ADAM22: variants seen among roughly 807,000 people sequenced by gnomAD.
ADAM22 encodes ADAM metallopeptidase domain 22.
ADAM22 carries 65 observed loss-of-function variants against 144.6 expected under a neutral mutation model. The observed-to-expected ratio is 0.45, with a 90% CI of 0.37 to 0.55. The LOEUF is 0.55. Ranked by LOEUF, ADAM22 falls within the 20% of genes least tolerant of loss-of-function variation. ADAM22 has a pLI of 0.00. For missense variants in ADAM22, 974 were observed against 1,184.9 expected (o/e 0.82, Z 2.61); for synonymous variants, 391 against 412.6 (o/e 0.95, Z 0.63).
chr7:87,998,444 G>A (rs541024544), intron 3 of ADAM22, among the ~76,000 whole-genome samples: 29 of 152,210 alleles, frequency 1.9e-4, no homozygotes, highest in African/African-American at 6.7e-4. Context: ...AAGGTAGAGT[G>A]CAGTGGAACA....
chr7:88,151,372 T>C, intron 20 of ADAM22, 52 bp downstream of exon 20: 1 of 1,603,818 alleles, frequency 6.2e-7, no homozygotes, highest in Non-Finnish European at 8.5e-7. Context: ...TCAGGCGGAC[T>C]TCTCAAGGAC....
At chr7:88,156,715 C>T (rs1017708370) in intron 22 of ADAM22, among the ~76,000 whole-genome samples, 1 of 152,052 alleles carries the variant, frequency 6.6e-6, no homozygotes, top group Admixed American at 6.6e-5. Context: ...TTGCCACCCT[C>T]CCATGGAAGA....
chr7:88,184,764 A>G (rs1051992565), intron 29 of ADAM22, among the ~76,000 whole-genome samples: 1 of 152,126 alleles, frequency 6.6e-6, no homozygotes, highest in African/African-American at 2.4e-5. Context: ...AAGAACAAAA[A>G]ATTGGGAGTT....
intron 3 of ADAM22, among the ~76,000 whole-genome samples, chr7:87,996,491 A>G (rs929843003): frequency 6.6e-6 from 1 of 152,064 alleles, no homozygotes; most frequent in African/African-American, 2.4e-5. Context: ...TCATGACCTA[A>G]TCACCTCCCA....
At chr7:88,107,408 C>A (rs963283393) in intron 4 of ADAM22, among the ~76,000 whole-genome samples, 1 of 151,634 alleles carries the variant, frequency 6.6e-6, no homozygotes, top group Non-Finnish European at 1.5e-5. Flanking sequence ...ACCATATTGG[C>A]TGGGCTGGTT....
At chr7:88,104,028 C>T (rs1045549311) in intron 4 of ADAM22, among the ~76,000 whole-genome samples, 41 of 152,066 alleles carry the variant, frequency 2.7e-4, no homozygotes, top group Admixed American at 2.7e-3. Context: ...GTACTCTATC[C>T]TGCATATATA....
At chr7:88,192,332 GTTTTC>G (rs1051779480) in intron 30 of ADAM22, among the ~76,000 whole-genome samples, 2 of 152,162 alleles carry the variant, frequency 1.3e-5, no homozygotes, top group Admixed American at 6.5e-5. Flanking sequence ...TTACTCAGCT[GTTTTC>G]TTTTTTCACT....
rs1026122040 is a variant in ADAM22 at position 87,944,143 on chromosome 7, T to A, written c.246+8957T>A. ...GTCAATTTCTATTCTGCTTTATTTTTTTTTTTTCAATTTGCCTTTTAAGTA... is the reference window on the plus strand; with the variant it reads ...GTCAATTTCTATTCTGCTTTATTTTATTTTTTTCAATTTGCCTTTTAAGTA... On this transcript the variant is annotated intron_variant, in intron 2 of 31. Coordinates refer to ENST00000413139, the MANE Select transcript of ADAM22 (RefSeq NM_001324418.2). 9.8e-4 allele frequency among the ~76,000 whole-genome samples: 149 copies of A among 152,286 alleles called. 1 individual carries two copies. The highest frequency in any genetic ancestry group is 3.4e-3 in the African/African-American group (140 of 41,558).
At chr7:87,955,687 C>T (rs1291177332) in intron 2 of ADAM22, among the ~76,000 whole-genome samples, 4 of 152,224 alleles carry the variant, frequency 2.6e-5, no homozygotes, top group African/African-American at 7.2e-5. Context: ...TTTAAGTCTG[C>T]AGAGGTTACT....
chr7:88,082,943 A>T (rs908283249), intron 4 of ADAM22, among the ~76,000 whole-genome samples: 1 of 152,188 alleles, frequency 6.6e-6, no homozygotes, highest in Admixed American at 6.5e-5. Context: ...TTCCTCAGGG[A>T]TCTAGAACTA....
chr7:87,945,265 C>G (rs1054329340), intron 2 of ADAM22, among the ~76,000 whole-genome samples: 2 of 152,050 alleles, frequency 1.3e-5, no homozygotes, highest in African/African-American at 4.8e-5. Flanking sequence ...TGAAGAGTCC[C>G]TAAGTTAGAA....
At chr7:88,057,992 A>G (rs570439440) in intron 3 of ADAM22, among the ~76,000 whole-genome samples, 1 of 152,310 alleles carries the variant, frequency 6.6e-6, no homozygotes, top group East Asian at 1.9e-4. Context: ...TTTAAAAATG[A>G]CCCACATTTT....
At chr7:88,047,984 A>C in intron 3 of ADAM22, among the ~76,000 whole-genome samples, 1 of 152,146 alleles carries the variant, frequency 6.6e-6, no homozygotes, top group East Asian at 1.9e-4. Flanking sequence ...AAATAAAAGT[A>C]AAAATGGAAG....
intron 3 of ADAM22, among the ~76,000 whole-genome samples, chr7:88,020,308 A>G (rs1371041263): frequency 6.6e-6 from 1 of 152,098 alleles, no homozygotes; most frequent in Admixed American, 6.5e-5. Context: ...ATCTCTTTCC[A>G]TTGTAATTTG....
At chr7:88,145,010 T>C (rs760135542) in intron 15 of ADAM22, 115 bp from the exon 16 acceptor site, 2 of 803,896 alleles carry the variant, frequency 2.5e-6, no homozygotes, top group Non-Finnish European at 3.9e-6. Context: ...AAAATAAAAC[T>C]ATATTTTAGA....
intron 4 of ADAM22, among the ~76,000 whole-genome samples, chr7:88,083,929 A>G (rs978818987): frequency 1.2e-4 from 18 of 152,156 alleles, no homozygotes; most frequent in African/African-American, 4.3e-4. Context: ...AAAATTACCT[A>G]GGGCTAGAAT....
intron 24 of ADAM22, among the ~76,000 whole-genome samples, chr7:88,167,846 C>T (rs1172158182): frequency 2.0e-5 from 3 of 152,116 alleles, no homozygotes; most frequent in Non-Finnish European, 4.4e-5. Flanking sequence ...CAAGTTCCTC[C>T]CTAAGTTTCA....
At chr7:87,981,875 AATG>A (rs1853531291) in intron 3 of ADAM22, among the ~76,000 whole-genome samples, 2 of 96,334 alleles carry the variant, frequency 2.1e-5, no homozygotes, top group Admixed American at 9.1e-5. Context: ...ATGTGATAAT[AATG>A]ATAACAATAG....
intron 26 of ADAM22, among the ~76,000 whole-genome samples, chr7:88,175,121 A>G (rs953215557): frequency 3.3e-5 from 5 of 152,182 alleles, no homozygotes; most frequent in Admixed American, 1.3e-4. Flanking sequence ...ATATAATTCA[A>G]TTGATGCTTT....
Sources: allele counts gnomAD v4.1 joint callset (sites outside exome capture counted in the v4.1 genomes callset), GRCh38; gene constraint gnomAD v4.1.1; transcripts MANE v1.5; gene names NCBI Gene and HGNC (gene_info 2026-07-23, HGNC 2026-07-21).